Variants in KIF26A observed in about 807,000 individuals in gnomAD.
The protein encoded by KIF26A is kinesin-like protein KIF26A.
KIF26A carries 74 observed loss-of-function variants against 126.0 expected under a neutral mutation model. The ratio of observed to expected loss-of-function variants is 0.59; its 90% CI spans 0.49 to 0.71. KIF26A has a LOEUF of 0.71. KIF26A is among the 30% of genes least tolerant of loss of function. KIF26A has a pLI of 0.00. For missense variants in KIF26A, 2,984 were observed against 2,763.3 expected, an observed-to-expected ratio of 1.08 and a Z score of -1.79; for synonymous variants, 1,445 against 1,232.7, an observed-to-expected ratio of 1.17 and a Z score of -3.61.
chr14:104,168,565 A>G (rs548278747), intron 5 of KIF26A, among the ~76,000 whole-genome samples: 1 of 152,104 alleles, frequency 6.6e-6, no homozygotes, highest in Non-Finnish European at 1.5e-5. Context: ...TTGGAGCTGC[A>G]TGGGTGTCCA....
chr14:104,156,820 C>T (rs968085408), intron 3 of KIF26A, among the ~76,000 whole-genome samples: 5 of 152,210 alleles, frequency 3.3e-5, no homozygotes, highest in African/African-American at 7.2e-5. Flanking sequence ...CCCCTCAGCA[C>T]GGGGACCCCA....
At chr14:104,138,936 G>A (rs954307460) in intron 1 of KIF26A, 107 bp from the exon 2 acceptor site, 1 of 1,291,666 alleles carries the variant, frequency 7.7e-7, no homozygotes, top group Non-Finnish European at 9.8e-7. Flanking sequence ...GTCGTGCCCA[G>A]GGCTCCTAAC....
At position 104,152,174 on chromosome 14, in the gene KIF26A, G is replaced by A. The variant is rs1233539953; in HGVS notation, c.448G>A (p.Glu150Lys). 6.2e-7 allele frequency: 1 copy of A among 1,609,314 alleles called. No homozygotes were observed. Among genetic ancestry groups the A allele is most frequent in the Non-Finnish European group, 8.5e-7 (1 of 1,178,856 alleles). ...MHLLQAPASHEDLDAPHGGPS... is the reference protein window; with the variant it reads ...MHLLQAPASHKDLDAPHGGPS... ...CCTGCTGCAGGCCCCTGCCAGCCAT[G>A]AGGACCTTGACGCCCCCCATGGAGG... is the stretch of plus-strand genomic sequence containing the variant. The change falls in exon 3 of 15, where the codon GAG (glutamate) becomes AAG (lysine). Residue 150 changes from glutamate to lysine, a missense_variant. Transcript: ENST00000423312. This position sits in a 1 kb window ranked among gnomAD's most constrained non-coding sequence, Gnocchi z 5.9.
Position 104,179,231 on chromosome 14 carries a change from C to A in KIF26A, c.5317-5C>A. ...GCCTGAGCCCCCGCCCGCCCTGCCT[C>A]CCAGGGTCTGGCGTGCGTCAGTACA... On this transcript the variant is annotated splice_polypyrimidine_tract_variant and splice_region_variant and intron_variant, in intron 13 of 14. Transcript: ENST00000423312. 1.4e-6 allele frequency: 2 copies of A among 1,467,860 alleles called. No homozygotes were observed. The highest frequency in any genetic ancestry group is 1.8e-6 in the Non-Finnish European group (2 of 1,114,270). 90.9% of individuals were successfully genotyped at this position (1,467,860 alleles called of 1,614,324 possible).
Position 104,176,106 on chromosome 14 carries a change from C to G in KIF26A, c.3318C>G (p.His1106Gln). 1 of 1,584,456 alleles carries G rather than the reference C, an allele frequency of 6.3e-7. No homozygotes were observed. The highest frequency in any genetic ancestry group is 1.1e-5 in the South Asian group (1 of 87,234). Residue 1106 changes from histidine (H) to glutamine (Q), a missense_variant, in exon 12 of 15, where the codon CAC becomes CAG. Transcript: ENST00000423312. ...LEGAAWAGSS[H>Q]GSSISSWLSE... ...GGGCAGCCTGGGCCGGCAGCAGTCA[C>G]GGCTCCTCCATCAGCTCCTGGCTCA... is the stretch of plus-strand genomic sequence containing the variant.
In KIF26A at chr14:104,178,773, C is replaced by G; in HGVS notation, c.5316+18C>G. The G allele has an allele frequency of 7.0e-7, 1 of 1,419,462 alleles. No individual in the cohort carries two copies. Among genetic ancestry groups the G allele is most frequent in the African/African-American group, 1.4e-5 (1 of 69,738 alleles). 87.9% of individuals were successfully genotyped at this position (1,419,462 alleles called of 1,614,324 possible). On this transcript the variant is annotated intron_variant, in intron 13 of 14. Coordinates refer to ENST00000423312, the MANE Select transcript of KIF26A (RefSeq NM_015656.2). ...CCACCCAGGTAGGGCCTTTGGTGGG[C>G]TGGGGTCTATGACCCCTGGTGGGGA...
chr14:104,143,807 C>T (rs1040840772), intron 2 of KIF26A, among the ~76,000 whole-genome samples: 2 of 152,352 alleles, frequency 1.3e-5, no homozygotes, highest in South Asian at 2.1e-4. Context: ...CTCGGGGATC[C>T]GCAGGGTGGG....
At position 104,166,762 on chromosome 14, in the gene KIF26A, GA is replaced by G. The variant is rs1351986372; in HGVS notation, c.924-95del. On this transcript the variant is annotated intron_variant, in intron 4 of 14. Coordinates refer to ENST00000423312, the MANE Select transcript of KIF26A (RefSeq NM_015656.2). ...TGGGTTTCCTGGGATGGTGGCTGAT[GA>G]AGTCCCAGGGTGGGATCGCCTGGTG... The G allele has an allele frequency of 1.4e-5, 17 of 1,175,210 alleles. No individual in the cohort carries two copies. The East Asian group carries it at 4.4e-4, about 30-fold the overall frequency. 72.8% of individuals were successfully genotyped at this position (1,175,210 alleles called of 1,614,324 possible).
chr14:104,168,824 G>C (rs996450459), intron 5 of KIF26A, among the ~76,000 whole-genome samples: 1 of 152,264 alleles, frequency 6.6e-6, no homozygotes, highest in Admixed American at 6.5e-5. Flanking sequence ...TCATTGCTCC[G>C]CTGGGGTTGG....
chr14:104,178,677 C>A lies in KIF26A; in HGVS notation c.5238C>A (p.Phe1746Leu), dbSNP rs140610303. The change falls in exon 13 of 15, where the codon TTC (phenylalanine) becomes TTA (leucine). Residue 1746 changes from phenylalanine (F) to leucine (L), a missense_variant. By Grantham distance (22) the Phe-to-Leu change is conservative (BLOSUM62 0). Coordinates refer to ENST00000423312, the MANE Select transcript of KIF26A (RefSeq NM_015656.2). The part of the protein sequence containing the change: ...PPLAGSLKEP[F>L]EIKVYEIDDV... ...TGGCTGGCTCCCTGAAGGAGCCGTT[C>A]GAGATCAAGGTGTACGAGATCGATG... 3 of 1,561,960 alleles carry A rather than the reference C, an allele frequency of 1.9e-6. No individual in the cohort carries two copies. The highest frequency in any genetic ancestry group is 2.4e-5 in the East Asian group (1 of 41,702).
intron 4 of KIF26A, among the ~76,000 whole-genome samples, chr14:104,165,521 ATGTG>A (rs1023374212): frequency 1.3e-4 from 12 of 94,702 alleles, no homozygotes; most frequent in African/African-American, 5.2e-4. Context: ...CTCTGTATGC[ATGTG>A]TGTATCTTTG....
At chr14:104,164,875 GTCTC>G (rs965617570) in intron 4 of KIF26A, among the ~76,000 whole-genome samples, 2 of 149,438 alleles carry the variant, frequency 1.3e-5, no homozygotes, top group Non-Finnish European at 3.0e-5. Flanking sequence ...GTGTGCCTGT[GTCTC>G]TCTGTATATG....
chr14:104,152,261 C>G lies in KIF26A; in HGVS notation c.535C>G (p.Pro179Ala), dbSNP rs546463775. ...SSRDTPGPAG[P>A]AGRQPGRAGP... ...GAGGGACACGCCAGGACCAGCGGGTCCTGCAGGGAGGCAGCCAGGACGAGC... is the reference window on the plus strand; with the variant it reads ...GAGGGACACGCCAGGACCAGCGGGTGCTGCAGGGAGGCAGCCAGGACGAGC... The change falls in exon 3 of 15, where the codon CCT becomes GCT. Residue 179 changes from proline (P) to alanine (A), a missense_variant. By Grantham distance (27) the Pro-to-Ala change is conservative. Transcript: ENST00000423312. The surrounding 1 kb of genome is among the most constrained non-coding windows in gnomAD (Gnocchi z 5.9). 6.3e-7 allele frequency: 1 copy of G among 1,594,328 alleles called. No homozygotes were observed. Among genetic ancestry groups the G allele is most frequent in the East Asian group, 2.3e-5 (1 of 43,738 alleles).
Position 104,166,911 on chromosome 14 carries a change from C to A in KIF26A, c.976C>A (p.Pro326Thr). Residue 326 changes from proline to threonine, a missense_variant, in exon 5 of 15, where the codon CCG (proline) becomes ACG (threonine). Pro to Thr is a conservative substitution (Grantham distance 38). Transcript: ENST00000423312. ...CAAGAGGAAGAAGCCCCACCCGCCA[C>A]CGCCTCCAGCCACCCGCGGCACCTC... ...ASKRKKPHPP[P>T]PPATRGTSTY... is the part of the protein sequence containing the mutation. The A allele has an allele frequency of 6.3e-7, 1 of 1,592,530 alleles. No homozygotes were observed.
Position 104,172,556 on chromosome 14 carries a change from G to C in KIF26A, c.1327-19G>C. ...GAAGGAAGGGGCCACAGCCCTGCCT[G>C]ATTCTCTTGCCCCCCTAGGCCGAAG... is the stretch of plus-strand genomic sequence containing the variant. On this transcript the variant is annotated intron_variant, in intron 6 of 14. Coordinates refer to ENST00000423312, the MANE Select transcript of KIF26A (RefSeq NM_015656.2). 1 of 1,602,118 alleles carries C rather than the reference G, an allele frequency of 6.2e-7. No individual in the cohort carries two copies. The highest frequency in any genetic ancestry group is 1.7e-5 in the Admixed American group (1 of 59,714).
chr14:104,166,667 G>GC (rs151062187), intron 4 of KIF26A, among the ~76,000 whole-genome samples, 192 bp from the exon 5 acceptor site: 12,355 of 152,182 alleles, frequency 0.081, 604 homozygotes, highest in African/African-American at 0.14. Flanking sequence ...GGGCAGGGAC[G>GC]CCATGGAGGC....
chr14:104,170,620 C>T (rs1489361224), intron 5 of KIF26A, among the ~76,000 whole-genome samples: 1 of 152,252 alleles, frequency 6.6e-6, no homozygotes, highest in Non-Finnish European at 1.5e-5. Flanking sequence ...TGGTGTCCTC[C>T]AGCAGGAAAT....
Position 104,178,624 on chromosome 14 carries a change from G to C in KIF26A, c.5185G>C (p.Gly1729Arg). ...TALGRKPSLP[G>R]QWVDLPPPLA... is the part of the protein sequence containing the mutation. ...CCTGGGCCGTAAGCCCAGCCTCCCC[G>C]GGCAGTGGGTGGACCTGCCCCCGCC... The change falls in exon 13 of 15, where the codon GGG becomes CGG. Residue 1729 changes from glycine (G) to arginine (R), a missense_variant. Coordinates refer to ENST00000423312, the MANE Select transcript of KIF26A (RefSeq NM_015656.2). 2 of 1,549,282 alleles carry C rather than the reference G, an allele frequency of 1.3e-6. No homozygotes were observed. Among genetic ancestry groups the C allele is most frequent in the Non-Finnish European group, 1.7e-6 (2 of 1,147,082 alleles).
At chr14:104,157,335 G>A (rs145658102) in intron 3 of KIF26A, among the ~76,000 whole-genome samples, 238 of 152,286 alleles carry the variant, frequency 1.6e-3, no homozygotes, top group Non-Finnish European at 8.2e-4. Flanking sequence ...CTCTAATTAC[G>A]CCGCTGGGTG....
Sources: allele counts gnomAD v4.1 joint callset (sites outside exome capture counted in the v4.1 genomes callset), GRCh38; gene constraint gnomAD v4.1.1; non-coding constraint Gnocchi (gnomAD v3.1); transcripts MANE v1.5; gene names NCBI Gene and HGNC (gene_info 2026-07-23, HGNC 2026-07-21).